The following FUT8 variants were observed in gnomAD, a reference collection of about 807,000 sequenced individuals.
FUT8 encodes the protein alpha-(1,6)-fucosyltransferase.
FUT8 carries 29 observed loss-of-function variants against 71.3 expected under a neutral mutation model. The observed-to-expected ratio is 0.41, with a 90% confidence interval of 0.30 to 0.55. The LOEUF (loss-of-function observed/expected upper bound fraction) is 0.55. Among genes scored for constraint, FUT8 ranks in the 20% least tolerant of loss-of-function variants. The pLI is 0.34. For missense variants in FUT8, 544 were observed against 702.1 expected, an observed-to-expected ratio of 0.77 and a Z score of 2.55; for synonymous variants, 254 against 239.3, an observed-to-expected ratio of 1.06 and a Z score of -0.57.
chr14:65,519,826 T>C (rs1023166379), intron 2 of FUT8, among the ~76,000 whole-genome samples: 1 of 152,304 alleles, frequency 6.6e-6, no homozygotes, highest in African/African-American at 2.4e-5. Flanking sequence ...TCACTGAGGC[T>C]GGAGTGCAGT....
At chr14:65,357,559 A>T in the FUT8 span, among the ~76,000 whole-genome samples, 1 of 152,158 alleles carries the variant, frequency 6.6e-6, no homozygotes, top group Admixed American at 6.5e-5. Context: ...CCCCCAACAC[A>T]TCTCCATCAT....
intron 2 of FUT8, among the ~76,000 whole-genome samples, chr14:65,553,384 A>G (rs1340963474): frequency 1.3e-5 from 2 of 152,076 alleles, no homozygotes; most frequent in African/African-American, 4.8e-5. Context: ...ACATCTACAT[A>G]TATTATAAAC....
At chr14:65,648,887 A>G (rs1266694672) in intron 6 of FUT8, among the ~76,000 whole-genome samples, 2 of 152,200 alleles carry the variant, frequency 1.3e-5, no homozygotes, top group East Asian at 3.9e-4. Context: ...AGGGTCTAGG[A>G]TCTAACAGCC....
the FUT8 span, among the ~76,000 whole-genome samples, chr14:65,400,566 C>A: frequency 6.6e-6 from 1 of 152,250 alleles, no homozygotes; most frequent in African/African-American, 2.4e-5. Context: ...TTTTGATAAA[C>A]CTACTCTGGA....
chr14:65,456,999 A>C (rs1424107747), intron 2 of FUT8, among the ~76,000 whole-genome samples: 1 of 152,180 alleles, frequency 6.6e-6, no homozygotes, highest in Non-Finnish European at 1.5e-5. Context: ...CCGTTAACTT[A>C]AATATTCATT....
chr14:65,525,019 A>G (rs7154536), intron 2 of FUT8, among the ~76,000 whole-genome samples: 69,952 of 151,934 alleles, frequency 0.46, 17,130 homozygotes, highest in Non-Finnish European at 0.55. Context: ...CATCAGGGAT[A>G]TTCTCTTTTT....
rs1050348438 is a variant in FUT8 at position 65,608,067 on chromosome 14, A to G, written c.204-7911A>G. Among the ~76,000 whole-genome samples, 431 of 150,878 alleles carry G rather than the reference A, an allele frequency of 2.9e-3. 4 individuals are homozygous for G. The highest frequency in any genetic ancestry group is 9.9e-3 in the African/African-American group (411 of 41,366). On this transcript the variant is annotated intron_variant, in intron 3 of 10. Transcript: ENST00000673929. Reference sequence around the variant, plus strand: ...CAACAAAGCTAGACTCCGTCTCAAAAAAAAAAAAAAAAAAATGCTTGAATC... The same window carrying G: ...CAACAAAGCTAGACTCCGTCTCAAAGAAAAAAAAAAAAAAATGCTTGAATC...
chr14:65,583,567 T>TA (rs933465319), intron 3 of FUT8, among the ~76,000 whole-genome samples: 4 of 151,808 alleles, frequency 2.6e-5, no homozygotes, highest in African/African-American at 9.7e-5. Context: ...GAAGATCTGG[T>TA]AAAACTCTGA....
At chr14:65,651,055 A>G (rs541932850) in intron 6 of FUT8, among the ~76,000 whole-genome samples, 2 of 152,310 alleles carry the variant, frequency 1.3e-5, no homozygotes, top group South Asian at 2.1e-4. Flanking sequence ...TGGAGCTGCA[A>G]TAACAAGTTT....
rs1043218291 is a variant in FUT8 at position 65,413,732 on chromosome 14, G to C, written c.-326+518G>C. Among the ~76,000 whole-genome samples the C allele has an allele frequency of 3.3e-5, 5 of 152,190 alleles. No individual in the cohort carries two copies. The highest frequency in any genetic ancestry group is 1.2e-4 in the African/African-American group (5 of 41,442). Reference sequence around the variant, plus strand: ...CAAAGATCCGCGAGGGACTGATGCAGGGCAGTTAAAGGCTTGAGTGCAGCT... The same window carrying C: ...CAAAGATCCGCGAGGGACTGATGCACGGCAGTTAAAGGCTTGAGTGCAGCT... On this transcript the variant is annotated intron_variant, in intron 1 of 10. Transcript: ENST00000673929. The surrounding 1 kb of genome is among the most constrained non-coding windows in gnomAD (Gnocchi z 4.1).
At chr14:65,587,627 T>C (rs1418928952) in intron 3 of FUT8, among the ~76,000 whole-genome samples, 2 of 152,210 alleles carry the variant, frequency 1.3e-5, no homozygotes, top group Non-Finnish European at 2.9e-5. Context: ...GGCATAAAGA[T>C]GGCAACACAG....
the FUT8 span, among the ~76,000 whole-genome samples, chr14:65,394,997 C>G: frequency 1.3e-3 from 201 of 152,340 alleles, no homozygotes; most frequent in Non-Finnish European, 2.2e-3. Flanking sequence ...CTGCCTCAGC[C>G]TCCCAGAGTG....
At chr14:65,431,223 A>C (rs2065468724) in intron 1 of FUT8, among the ~76,000 whole-genome samples, 3 of 149,480 alleles carry the variant, frequency 2.0e-5, no homozygotes, top group Non-Finnish European at 4.4e-5. Context: ...GCTGGTCTCA[A>C]ACTCCCAACC....
chr14:65,561,946 C>G (rs1296094231), intron 3 of FUT8, among the ~76,000 whole-genome samples, 180 bp downstream of exon 3: 1 of 152,156 alleles, frequency 6.6e-6, no homozygotes, highest in East Asian at 1.9e-4. Flanking sequence ...GTCCAACCCA[C>G]AGCCCATGGG....
chr14:65,422,189 A>G (rs994556390), intron 1 of FUT8, among the ~76,000 whole-genome samples: 1 of 152,138 alleles, frequency 6.6e-6, no homozygotes, highest in Non-Finnish European at 1.5e-5. Context: ...ACAAAGCATC[A>G]ATGGAACCAA....
At position 65,721,788 on chromosome 14, in the gene FUT8, C is replaced by T. The variant is rs915168998; in HGVS notation, c.849C>T (p.Asp283=). 1 of 1,613,994 alleles carries T rather than the reference C, an allele frequency of 6.2e-7. No homozygotes were observed. Among genetic ancestry groups the T allele is most frequent in the African/African-American group, 1.3e-5 (1 of 74,922 alleles). The change falls in exon 8 of 11, where the codon GAC becomes GAT. Residue 283 remains aspartate (D), a synonymous_variant. Transcript: ENST00000673929. The stretch of plus-strand genomic sequence containing the variant: ...CAATATTGTCAGGTGAAGTGAAGGA[C>T]AAAAATGTTCAAGTGGTCGAGCTTC... ...STGHWSGEVK[D]KNVQVVELPI...
chr14:65,364,296 C>T, the FUT8 span, among the ~76,000 whole-genome samples: 2 of 150,408 alleles, frequency 1.3e-5, no homozygotes, highest in Admixed American at 6.6e-5. Flanking sequence ...CCTCCACCTC[C>T]CGGGTTCAAG....
At chr14:65,444,731 CTG>C (rs1017105540) in intron 1 of FUT8, among the ~76,000 whole-genome samples, 1 of 152,104 alleles carries the variant, frequency 6.6e-6, no homozygotes, top group Non-Finnish European at 1.5e-5. Context: ...AAAAATAAAA[CTG>C]TAGTGGTAGA....
intron 2 of FUT8, among the ~76,000 whole-genome samples, chr14:65,542,559 TATG>T (rs1884737355): frequency 6.6e-6 from 1 of 152,224 alleles, no homozygotes; most frequent in African/African-American, 2.4e-5. Flanking sequence ...GTGATACCAT[TATG>T]ATATTCTTCA....
Sources: gnomAD v4.1 joint callset for allele counts (sites outside exome capture counted in the v4.1 genomes callset) on GRCh38, gnomAD v4.1.1 for gene constraint, Gnocchi (gnomAD v3.1) non-coding constraint, MANE v1.5 for transcripts, NCBI Gene and HGNC (gene_info 2026-07-23, HGNC 2026-07-21) for gene names.